XRCC1: variants seen among roughly 807,000 people sequenced by gnomAD.
The protein encoded by XRCC1 is DNA repair protein XRCC1.
A neutral mutation model predicts 83.3 loss-of-function variants in XRCC1; 52 were observed. That is an observed-to-expected ratio of 0.62 (90% CI 0.50 to 0.79). The LOEUF (loss-of-function observed/expected upper bound fraction) is 0.79. Ranked by LOEUF, XRCC1 falls within the 30% of genes least tolerant of loss-of-function variation. The probability of loss-of-function intolerance (pLI) is 0.00; values close to 1 mark genes in which losing one functional copy is unlikely to be tolerated. For synonymous variants in XRCC1, 281 were observed against 312.6 expected, an observed-to-expected ratio of 0.90 and a Z score of 1.07; for missense variants, 793 against 823.5, an observed-to-expected ratio of 0.96 and a Z score of 0.45.
chr19:43,544,850 GTC>G lies in XRCC1; in HGVS notation c.1622-618_1622-617del, dbSNP rs1269394157. Reference sequence around the variant, plus strand: ...TTTGTAAAGGCGGGGGTCGGGGGGGGTCTCACTATGTTGCCCAGGCTGGTCTT... The same window carrying G: ...TTTGTAAAGGCGGGGGTCGGGGGGGGTCACTATGTTGCCCAGGCTGGTCTT... On this transcript the variant is annotated intron_variant, in intron 14 of 16. Coordinates refer to ENST00000262887, the MANE Select transcript of XRCC1 (RefSeq NM_006297.3). Among the ~76,000 whole-genome samples the G allele has an allele frequency of 4.0e-5, 6 of 151,686 alleles. No individual in the cohort carries two copies. In the South Asian group the frequency reaches 1.3e-3, roughly 32 times the overall value.
chr19:43,563,323 C>A (rs1972719705), intron 2 of XRCC1, among the ~76,000 whole-genome samples: 1 of 152,138 alleles, frequency 6.6e-6, no homozygotes, highest in Non-Finnish European at 1.5e-5. Flanking sequence ...CCTGTCTCTA[C>A]TAAAAATATG....
At chr19:43,544,545 C>T (rs181597697) in intron 14 of XRCC1, among the ~76,000 whole-genome samples, 5 of 151,960 alleles carry the variant, frequency 3.3e-5, no homozygotes, top group Admixed American at 2.6e-4. Flanking sequence ...CTCACTCTGT[C>T]GCCCAGGCTG....
chr19:43,570,587 C>T (rs960488590), intron 2 of XRCC1, among the ~76,000 whole-genome samples: 20 of 152,190 alleles, frequency 1.3e-4, no homozygotes, highest in African/African-American at 3.6e-4. Flanking sequence ...AGTCCGAGAC[C>T]AGGCTGGGCA....
Position 43,545,883 on chromosome 19 carries a change from G to A in XRCC1, c.1556C>T (p.Thr519Met), listed in dbSNP as rs201595223. 25 of 1,613,840 alleles carry A rather than the reference G, an allele frequency of 1.5e-5. No individual in the cohort carries two copies. Among genetic ancestry groups the A allele is most frequent in the Non-Finnish European group, 2.0e-5 (24 of 1,179,922 alleles). ...TTCCTCACTGTCCGTGTTCTCATCC[G>A]TGGAGCCTGCATACGGGTCTTCCCC... ...ENGEDPYAGS[T>M]DENTDSEEHQ... The change falls in exon 14 of 17, where the codon ACG becomes ATG. Residue 519 changes from threonine (T) to methionine (M), a missense_variant. Coordinates refer to ENST00000262887, the MANE Select transcript of XRCC1 (RefSeq NM_006297.3).
At chr19:43,557,831 G>A (rs1972655090) in intron 3 of XRCC1, among the ~76,000 whole-genome samples, 1 of 150,228 alleles carries the variant, frequency 6.7e-6, no homozygotes, top group South Asian at 2.1e-4. Context: ...GAAGGAGGGA[G>A]GGAAGGAGGG....
chr19:43,562,298 G>A (rs558412246), intron 2 of XRCC1, among the ~76,000 whole-genome samples: 1 of 152,268 alleles, frequency 6.6e-6, no homozygotes, highest in East Asian at 1.9e-4. Flanking sequence ...GAACACCACT[G>A]TATGGAAGGA....
At chr19:43,571,388 C>A (rs1209102690) in intron 2 of XRCC1, among the ~76,000 whole-genome samples, 1 of 152,248 alleles carries the variant, frequency 6.6e-6, no homozygotes, top group African/African-American at 2.4e-5. Flanking sequence ...CCAGCTCCAG[C>A]TGGGGCACTC....
At chr19:43,551,923 C>T in intron 9 of XRCC1, 94 bp downstream of exon 9, 1 of 1,355,160 alleles carries the variant, frequency 7.4e-7, no homozygotes, top group Non-Finnish European at 1.0e-6. Flanking sequence ...AGAAAGCATG[C>T]AGCATAGTGG....
intron 2 of XRCC1, among the ~76,000 whole-genome samples, chr19:43,563,219 G>A (rs996629113): frequency 6.6e-6 from 1 of 152,190 alleles, no homozygotes; most frequent in Non-Finnish European, 1.5e-5. Context: ...AGGTGTGGTG[G>A]CTCACACCCG....
chr19:43,548,766 C>CAAAAAAAAAAAAAAAAAAAAAAAAAA lies in XRCC1; in HGVS notation c.1200-1790_1200-1789insTTTTTTTTTTTTTTTTTTTTTTTTTT, dbSNP rs60740505. Among the ~76,000 whole-genome samples the CAAAAAAAAAAAAAAAAAAAAAAAAAA allele has an allele frequency of 7.4e-4, 48 of 64,572 alleles. 1 individual carries two copies. The highest frequency in any genetic ancestry group is 1.6e-3 in the Admixed American group (9 of 5,638). The allele number at this position is 64,572 out of a possible 152,430, so 42.4% of individuals were successfully genotyped here. On this transcript the variant is annotated intron_variant, in intron 10 of 16. Transcript: ENST00000262887. Reference sequence around the variant, plus strand: ...TCTGTGAGAAACACCCAAGAATGATCAAAAAAAAAAAAAAAAAAAACACAA... The same window carrying CAAAAAAAAAAAAAAAAAAAAAAAAAA: ...TCTGTGAGAAACACCCAAGAATGATCAAAAAAAAAAAAAAAAAAAAAAAAAAAAAAAAAAAAAAAAAAAAAACACAA...
At chr19:43,545,766 G>C in intron 14 of XRCC1, 52 bp downstream of exon 14, 1 of 1,600,494 alleles carries the variant, frequency 6.2e-7, no homozygotes, top group Non-Finnish European at 8.5e-7. Flanking sequence ...AGTCCCAGCT[G>C]AGAACTGAGA....
chr19:43,575,038 A>C, intron 1 of XRCC1, 36 bp from the exon 2 acceptor site: 1 of 1,543,918 alleles, frequency 6.5e-7, no homozygotes, highest in East Asian at 2.2e-5. Flanking sequence ...ATTAGGGCAC[A>C]GAGATGACAG....
Position 43,543,341 on chromosome 19 carries a change from C to CGTGTGTGTGTGTGTGTGTGTGTGTGT in XRCC1, c.*25_*50dup, listed in dbSNP as rs45592142. On this transcript the variant is annotated 3_prime_UTR_variant, in exon 17 of 17. Transcript: ENST00000262887. ...ACCAACTCATCTTTATTAAATGCAT[C>CGTGTGTGTGTGTGTGTGTGTGTGTGT]GTGTGTGTGTGTGTGTGTGTGTGTG... The CGTGTGTGTGTGTGTGTGTGTGTGTGT allele has an allele frequency of 9.5e-5, 99 of 1,044,462 alleles. 1 individual carries two copies. The African/African-American group carries it at 1.6e-3, about 17-fold the overall frequency. 64.7% of individuals were successfully genotyped at this position (1,044,462 alleles called of 1,614,324 possible).
At chr19:43,554,318 G>A (rs929020985) in intron 4 of XRCC1, among the ~76,000 whole-genome samples, 6 of 152,140 alleles carry the variant, frequency 3.9e-5, no homozygotes, top group South Asian at 2.1e-4. Flanking sequence ...TAGCCAGGAC[G>A]TGAACTCAGT....
At position 43,544,137 on chromosome 19, in the gene XRCC1, G is replaced by A; in HGVS notation, c.1712+7C>T. The stretch of plus-strand genomic sequence containing the variant: ...CCCCTTCCCCACCCCAGTCCCTGGA[G>A]ACTCACCCATTGAAGGCTGTGACGT... On this transcript the variant is annotated splice_region_variant and intron_variant, in intron 15 of 16. Transcript: ENST00000262887. 1 of 1,602,240 alleles carries A rather than the reference G, an allele frequency of 6.2e-7. No homozygotes were observed. Among genetic ancestry groups the A allele is most frequent in the Non-Finnish European group, 8.5e-7 (1 of 1,174,028 alleles).
At chr19:43,560,848 G>C in intron 3 of XRCC1, 62 bp downstream of exon 3, 2 of 1,382,298 alleles carry the variant, frequency 1.4e-6, no homozygotes, top group Admixed American at 1.7e-5. Flanking sequence ...CCCTGGGGGA[G>C]ACGGTGATGC....
rs528146017 is a variant in XRCC1, at chr19:43,569,567, G to A, written c.144+5343C>T. On this transcript the variant is annotated intron_variant, in intron 2 of 16. Coordinates refer to ENST00000262887, the MANE Select transcript of XRCC1 (RefSeq NM_006297.3). ...GGAGGCCAAGGCAGGTGGATCACTA[G>A]AGGTCAGGAGTTCGAGACCAGCCTG... Among the ~76,000 whole-genome samples, 3 of 151,872 alleles carry A rather than the reference G, an allele frequency of 2.0e-5. No homozygotes were observed. The South Asian group carries it at 6.2e-4, about 32-fold the overall frequency.
At chr19:43,544,841 TC>T (rs368061453) in intron 14 of XRCC1, among the ~76,000 whole-genome samples, 3 of 95,580 alleles carry the variant, frequency 3.1e-5, no homozygotes, top group South Asian at 3.8e-4. Context: ...AAGGCGGGGG[TC>T]GGGGGGGGTC....
At chr19:43,556,244 C>T (rs760750263) in intron 3 of XRCC1, among the ~76,000 whole-genome samples, 1 of 152,066 alleles carries the variant, frequency 6.6e-6, no homozygotes, top group Non-Finnish European at 1.5e-5. Context: ...AGAGAGAAAA[C>T]CTAGGCTCCA....
Sources: gnomAD v4.1 joint callset for allele counts (sites outside exome capture counted in the v4.1 genomes callset) on GRCh38, gnomAD v4.1.1 for gene constraint, MANE v1.5 for transcripts, NCBI Gene and HGNC (gene_info 2026-07-23, HGNC 2026-07-21) for gene names.